SRSF1: variants seen among roughly 807,000 people sequenced by gnomAD.
SRSF1 encodes the protein serine/arginine-rich splicing factor 1.
A neutral mutation model predicts 25.9 loss-of-function variants in SRSF1; 1 was observed. The observed-to-expected ratio is 0.04, with a 90% confidence interval of 0.01 to 0.18. The LOEUF is 0.18. SRSF1 is among the 10% of genes least tolerant of loss of function. The pLI, the probability that SRSF1 is intolerant of heterozygous loss-of-function variation, is 1.00. For missense variants in SRSF1, 65 were observed against 350.5 expected (o/e 0.19, Z 6.50); for synonymous variants, 132 against 126.2 (o/e 1.05, Z -0.31).
Position 58,007,096 on chromosome 17 carries a change from G to A in SRSF1, c.42C>T (p.Asn14=), listed in dbSNP as rs1315064305. 1.7e-5 allele frequency: 28 copies of A among 1,614,092 alleles called. No individual in the cohort carries two copies. Among genetic ancestry groups the A allele is most frequent in the Non-Finnish European group, 2.1e-5 (25 of 1,180,056 alleles). ...AGTTACCCACGTAGATGCGGCAATC[G>A]TTGTTCCCTGCGGGGCCACGAATCA... ...GGVIRGPAGN[N]DCRIYVGNLP... Residue 14 remains asparagine, a synonymous_variant, in exon 1 of 4, where the codon AAC becomes AAT. Coordinates refer to ENST00000258962, the MANE Select transcript of SRSF1 (RefSeq NM_006924.5).
At chr17:57,989,316 C>T in the SRSF1 span, 1 of 398,452 alleles carries the variant, frequency 2.5e-6, no homozygotes, top group African/African-American at 2.1e-5. Flanking sequence ...GTCTCTAGTC[C>T]AAGACATCTC....
At chr17:57,989,107 A>G in the SRSF1 span, 1 of 397,764 alleles carries the variant, frequency 2.5e-6, no homozygotes, top group Non-Finnish European at 4.4e-6. Flanking sequence ...ACAAAAATCG[A>G]ACTTCTGGTT....
At chr17:57,997,458 TATAA>T (rs1296217852), downstream of SRSF1, among the ~76,000 whole-genome samples, 1 of 152,172 alleles carries the variant, frequency 6.6e-6, no homozygotes, top group African/African-American at 2.4e-5. Context: ...CATTGGGAAA[TATAA>T]ATATATTCAG....
rs2075413709 is a variant in SRSF1 at position 58,004,477 on chromosome 17, T to C, written c.*929A>G. On this transcript the variant is annotated 3_prime_UTR_variant, in exon 4 of 4. Coordinates refer to ENST00000258962, the MANE Select transcript of SRSF1 (RefSeq NM_006924.5). ...TATCTACACCAATACATTGGAACTCTATATTTTGCTTTCATTTTGTCTTAA... is the reference window on the plus strand; with the variant it reads ...TATCTACACCAATACATTGGAACTCCATATTTTGCTTTCATTTTGTCTTAA... 1 of 152,956 alleles carries C rather than the reference T, an allele frequency of 6.5e-6. No individual in the cohort carries two copies. The highest frequency in any genetic ancestry group is 6.5e-5 in the Admixed American group (1 of 15,292). 9.5% of individuals were successfully genotyped at this position (152,956 alleles called of 1,614,324 possible).
the SRSF1 span, chr17:57,990,329 G>T: frequency 6.6e-6 from 1 of 152,114 alleles, no homozygotes; most frequent in Non-Finnish European, 1.5e-5. Flanking sequence ...TTTTCTTGAG[G>T]AAAATGGCTA....
At chr17:57,994,798 T>G in the SRSF1 span, 1 of 152,186 alleles carries the variant, frequency 6.6e-6, no homozygotes, top group African/African-American at 2.4e-5. Context: ...GGACTCTCCT[T>G]AGAAAAATGG....
At chr17:57,997,809 A>C (rs1168035690), downstream of SRSF1, among the ~76,000 whole-genome samples, 1 of 152,224 alleles carries the variant, frequency 6.6e-6, no homozygotes, top group Non-Finnish European at 1.5e-5. Flanking sequence ...ACAGAACTTG[A>C]CTATCACCTT....
the SRSF1 span, chr17:57,993,685 T>C: frequency 2.0e-5 from 3 of 152,212 alleles, no homozygotes; most frequent in Middle Eastern, 3.2e-3. Context: ...GATGAACAAT[T>C]ATTAAGGTAC....
At chr17:57,991,123 C>A in the SRSF1 span, 3 of 152,330 alleles carry the variant, frequency 2.0e-5, no homozygotes, top group South Asian at 2.1e-4. Context: ...CGCCAAGTGA[C>A]AGGTTTTCTC....
intron 1 of SRSF1, 54 bp from the exon 2 acceptor site, chr17:58,006,581 C>T (rs1598061721): frequency 3.3e-6 from 5 of 1,537,788 alleles, no homozygotes; most frequent in South Asian, 1.2e-5. Context: ...GAGAAGCTCG[C>T]TCAGTTGGGA....
chr17:57,997,137 A>G (rs1246283055), downstream of SRSF1, among the ~76,000 whole-genome samples: 1 of 152,234 alleles, frequency 6.6e-6, no homozygotes, highest in Non-Finnish European at 1.5e-5. Context: ...GGTGATCTGT[A>G]CTGAAAGTGT....
chr17:57,997,078 C>T (rs926700137), downstream of SRSF1, among the ~76,000 whole-genome samples: 1 of 152,090 alleles, frequency 6.6e-6, no homozygotes, highest in African/African-American at 2.4e-5. Context: ...AAAAAGGATA[C>T]CTAGGAGGCA....
Position 58,007,233 on chromosome 17 carries a change from C to G in SRSF1, c.-96G>C. On this transcript the variant is annotated 5_prime_UTR_variant, in exon 1 of 4. Coordinates refer to ENST00000258962, the MANE Select transcript of SRSF1 (RefSeq NM_006924.5). The stretch of plus-strand genomic sequence containing the variant: ...GCAGCGGCACCACGTCTCCCGCGGC[C>G]CCTCCAAAATGGCGCCTTTATCAGC... The G allele has an allele frequency of 6.8e-7, 1 of 1,461,072 alleles. No individual in the cohort carries two copies. The highest frequency in any genetic ancestry group is 1.4e-5 in the African/African-American group (1 of 72,016). 90.5% of individuals were successfully genotyped at this position (1,461,072 alleles called of 1,614,324 possible).
the SRSF1 span, chr17:57,990,906 C>T: frequency 6.6e-6 from 1 of 152,176 alleles, no homozygotes; most frequent in African/African-American, 2.4e-5. Flanking sequence ...GCTTCCTCAT[C>T]TGGAAAATTA....
In SRSF1 at chr17:58,002,736, G is replaced by A. The variant is rs1317214324; in HGVS notation, c.*2670C>T. On this transcript the variant is annotated 3_prime_UTR_variant, in exon 4 of 4. Coordinates refer to ENST00000258962, the MANE Select transcript of SRSF1 (RefSeq NM_006924.5). ...TTGGGTTAAAAGTTCTACAGGCTGA[G>A]CATGGTGGCTCACACCTGTAATCCT... 6.6e-6 allele frequency among the ~76,000 whole-genome samples: 1 copy of A among 152,246 alleles called. No homozygotes were observed. Among genetic ancestry groups the A allele is most frequent in the African/African-American group, 2.4e-5 (1 of 41,460 alleles).
chr17:57,998,093 G>C (rs2075371907), downstream of SRSF1, among the ~76,000 whole-genome samples: 1 of 151,278 alleles, frequency 6.6e-6, no homozygotes, highest in Non-Finnish European at 1.5e-5. Flanking sequence ...ATGGGCACCT[G>C]TAATACCAGC....
the SRSF1 span, chr17:57,993,948 A>C: frequency 7.9e-5 from 12 of 152,174 alleles, no homozygotes; most frequent in Non-Finnish European, 1.6e-4. Context: ...TTTCATTCAG[A>C]AATGAATGCT....
chr17:58,002,887 C>T lies in SRSF1; in HGVS notation c.*2519G>A, dbSNP rs115432946. Among the ~76,000 whole-genome samples the T allele has an allele frequency of 6.6e-6, 1 of 152,136 alleles. No homozygotes were observed. On this transcript the variant is annotated 3_prime_UTR_variant, in exon 4 of 4. Transcript: ENST00000258962. ...ATTAGCCGGGCAAGGGTGGCACACA[C>T]TTGTAGTCTCAGCTACTTGGGAGAC...
At chr17:57,996,314 C>G (rs549931310), downstream of SRSF1, among the ~76,000 whole-genome samples, 1 of 152,004 alleles carries the variant, frequency 6.6e-6, no homozygotes, top group South Asian at 2.1e-4. Flanking sequence ...GAAACCCTGT[C>G]TCTACTAAAA....
Sources: gnomAD v4.1 joint callset for allele counts (sites outside exome capture counted in the v4.1 genomes callset) on GRCh38, gnomAD v4.1.1 for gene constraint, MANE v1.5 for transcripts, NCBI Gene and HGNC (gene_info 2026-07-23, HGNC 2026-07-21) for gene names.